The following BCAT1 variants were observed in gnomAD, a reference collection of about 807,000 sequenced individuals.
The protein encoded by BCAT1 is branched-chain-amino-acid aminotransferase, cytosolic.
In BCAT1, 48 loss-of-function variants were observed where a neutral mutation model predicts 52.4. The ratio of observed to expected loss-of-function variants is 0.92; its 90% CI spans 0.73 to 1.16. BCAT1 has a LOEUF of 1.16. Among genes scored for constraint, BCAT1 ranks in the 50% most tolerant of loss-of-function variants. The probability of loss-of-function intolerance (pLI) is 0.00; values close to 1 mark genes in which losing one functional copy is unlikely to be tolerated. For missense variants in BCAT1, 451 were observed against 457.1 expected (o/e 0.99, Z 0.12); for synonymous variants, 167 against 161.3 (o/e 1.04, Z -0.27).
chr12:24,894,315 G>T lies in BCAT1; in HGVS notation c.239C>A (p.Ser80Ter). The part of the protein sequence containing the change: ...KPHIKPLQNL[S>*]LHPGSSALHY... ...CAAAGCTGATGAGCCAGGGTGCAATGACAGGTTCTGAAGAGGCTTGATATG... is the reference window on the plus strand; with the variant it reads ...CAAAGCTGATGAGCCAGGGTGCAATTACAGGTTCTGAAGAGGCTTGATATG... The change falls in exon 3 of 11, where the codon TCA becomes TAA. Residue 80 changes from serine (S) to a stop codon, truncating the protein, a stop_gained. Transcript: ENST00000261192. LOFTEE classifies it high-confidence loss of function. 2 of 1,613,940 alleles carry T rather than the reference G, an allele frequency of 1.2e-6. No homozygotes were observed. The highest frequency in any genetic ancestry group is 2.2e-5 in the East Asian group (1 of 44,878).
At chr12:24,828,455 A>T (rs980954000) in intron 10 of BCAT1, among the ~76,000 whole-genome samples, 1 of 152,180 alleles carries the variant, frequency 6.6e-6, no homozygotes, top group African/African-American at 2.4e-5. Context: ...TTGATCCCAG[A>T]TTTATCCTTA....
rs183841729 is a variant in BCAT1 at position 24,885,147 on chromosome 12, A to C, written c.280-3736T>G. On this transcript the variant is annotated intron_variant, in intron 3 of 10. Coordinates refer to ENST00000261192, the MANE Select transcript of BCAT1 (RefSeq NM_005504.7). ...AAAAAATATAACTGTCATAGATCAT[A>C]AAACATAGATGATATGATTACAGAG... 3.0e-4 allele frequency among the ~76,000 whole-genome samples: 45 copies of C among 152,346 alleles called. No individual in the cohort carries two copies. In the East Asian group the frequency reaches 8.1e-3, roughly 27 times the overall value.
intron 5 of BCAT1, among the ~76,000 whole-genome samples, chr12:24,856,196 C>T (rs760273423): frequency 6.6e-6 from 1 of 152,166 alleles, no homozygotes; most frequent in Non-Finnish European, 1.5e-5. Context: ...TCCTTTCTCC[C>T]ACTGTAAAAC....
At chr12:24,869,936 C>T in intron 5 of BCAT1, among the ~76,000 whole-genome samples, 1 of 152,090 alleles carries the variant, frequency 6.6e-6, no homozygotes, top group African/African-American at 2.4e-5. Flanking sequence ...CAAAGAATCA[C>T]TGCCAATTTT....
intron 1 of BCAT1, among the ~76,000 whole-genome samples, chr12:24,920,742 C>G (rs1008357884): frequency 6.6e-6 from 1 of 152,158 alleles, no homozygotes; most frequent in Non-Finnish European, 1.5e-5. Context: ...CACAAGAGCA[C>G]CCCGTCCTTC....
At chr12:24,891,929 T>TC (rs1942853653) in intron 3 of BCAT1, among the ~76,000 whole-genome samples, 1 of 151,054 alleles carries the variant, frequency 6.6e-6, no homozygotes, top group Non-Finnish European at 1.5e-5. Flanking sequence ...TTTTTTTTTT[T>TC]TCTATTTTTA....
At chr12:24,883,703 G>C (rs1942571707) in intron 3 of BCAT1, among the ~76,000 whole-genome samples, 1 of 152,132 alleles carries the variant, frequency 6.6e-6, no homozygotes, top group Non-Finnish European at 1.5e-5. Context: ...TGGCACCAGG[G>C]ACCAGTTTTG....
At chr12:24,886,031 C>A (rs1380468941) in intron 3 of BCAT1, among the ~76,000 whole-genome samples, 1 of 152,018 alleles carries the variant, frequency 6.6e-6, no homozygotes, top group Non-Finnish European at 1.5e-5. Context: ...TTCTTGTCAT[C>A]AAAAAATTAT....
At chr12:24,844,780 C>T (rs1420161505) in intron 6 of BCAT1, among the ~76,000 whole-genome samples, 2 of 150,444 alleles carry the variant, frequency 1.3e-5, no homozygotes, top group East Asian at 3.9e-4. Flanking sequence ...GCCTGTAGTC[C>T]CAGCTACTCG....
At chr12:24,873,929 T>C (rs1942253168) in intron 5 of BCAT1, among the ~76,000 whole-genome samples, 1 of 152,192 alleles carries the variant, frequency 6.6e-6, no homozygotes, top group South Asian at 2.1e-4. Context: ...TCATCATAAA[T>C]CTATAAGGAT....
chr12:24,865,935 C>T (rs940209372), intron 5 of BCAT1, among the ~76,000 whole-genome samples: 2 of 152,264 alleles, frequency 1.3e-5, no homozygotes, highest in Non-Finnish European at 2.9e-5. Flanking sequence ...AGCCCTCACT[C>T]GCTCTCGGTG....
chr12:24,887,174 C>A (rs567762587), intron 3 of BCAT1, among the ~76,000 whole-genome samples: 1 of 144,742 alleles, frequency 6.9e-6, no homozygotes, highest in Non-Finnish European at 1.5e-5. Context: ...GGTACCCAGG[C>A]CTAACTCCAA....
At chr12:24,842,475 T>C (rs1036968090) in intron 6 of BCAT1, among the ~76,000 whole-genome samples, 26 of 150,268 alleles carry the variant, frequency 1.7e-4, no homozygotes, top group Admixed American at 1.7e-3. Context: ...TGAAATGTAA[T>C]GATAGAAGAA....
intron 1 of BCAT1, among the ~76,000 whole-genome samples, chr12:24,921,045 G>C (rs530666190): frequency 6.6e-6 from 1 of 152,048 alleles, no homozygotes; most frequent in South Asian, 2.1e-4. Flanking sequence ...TTACCTTCCC[G>C]TGACCCTCCA....
At chr12:24,873,645 A>AT (rs1166489548) in intron 5 of BCAT1, among the ~76,000 whole-genome samples, 1 of 152,170 alleles carries the variant, frequency 6.6e-6, no homozygotes, top group Non-Finnish European at 1.5e-5. Flanking sequence ...TTGATTTAGG[A>AT]TTTTTTTCAG....
chr12:24,885,620 A>G (rs905781436), intron 3 of BCAT1, among the ~76,000 whole-genome samples: 12 of 152,248 alleles, frequency 7.9e-5, no homozygotes, highest in Admixed American at 3.9e-4. Flanking sequence ...CTCTTGGAGA[A>G]CAAAGTAGAA....
chr12:24,893,469 C>T (rs1942891429), intron 3 of BCAT1, among the ~76,000 whole-genome samples: 1 of 152,112 alleles, frequency 6.6e-6, no homozygotes, highest in Admixed American at 6.5e-5. Flanking sequence ...GACTTCAAAG[C>T]CTGAATGCTT....
At chr12:24,938,284 G>C (rs1943796306) in intron 1 of BCAT1, among the ~76,000 whole-genome samples, 2 of 152,204 alleles carry the variant, frequency 1.3e-5, no homozygotes, top group African/African-American at 4.8e-5. Flanking sequence ...CAGAGAAAAT[G>C]AGCAGCTTCC....
In BCAT1 at chr12:24,829,808, A is replaced by G; in HGVS notation, c.1119+15T>C. 6.3e-7 allele frequency: 1 copy of G among 1,585,638 alleles called. No homozygotes were observed. The highest frequency in any genetic ancestry group is 8.6e-7 in the Non-Finnish European group (1 of 1,165,630). ...AAAGAAAAGGAAAGAAAAGAAAAGA[A>G]AAGAAAAGCTTTACCTGGATATCAG... On this transcript the variant is annotated intron_variant, in intron 10 of 10. Transcript: ENST00000261192.
Sources: allele counts gnomAD v4.1 joint callset (sites outside exome capture counted in the v4.1 genomes callset), GRCh38; gene constraint gnomAD v4.1.1; transcripts MANE v1.5; gene names NCBI Gene and HGNC (gene_info 2026-07-23, HGNC 2026-07-21).